ZFHX3: variants seen among roughly 807,000 people sequenced by gnomAD.
ZFHX3 encodes the protein zinc finger homeobox protein 3.
In ZFHX3, 42 loss-of-function variants were observed where a neutral mutation model predicts 279.1. That is an observed-to-expected ratio of 0.15 (90% CI 0.12 to 0.19). The LOEUF (loss-of-function observed/expected upper bound fraction) is 0.19. Ranked by LOEUF, ZFHX3 falls within the 10% of genes least tolerant of loss-of-function variation. The pLI, the probability that ZFHX3 is intolerant of heterozygous loss-of-function variation, is 1.00. For synonymous variants in ZFHX3, 2,293 were observed against 1,957.8 expected (o/e 1.17, Z -4.52); for missense variants, 4,981 against 4,754.0 (o/e 1.05, Z -1.40).
intron 1 of ZFHX3, among the ~76,000 whole-genome samples, chr16:73,701,543 T>A (rs1000441754): frequency 1.3e-5 from 2 of 152,218 alleles, no homozygotes; most frequent in South Asian, 2.1e-4. Flanking sequence ...TCTTCCAGAA[T>A]AATTTTTCTT....
At chr16:73,458,385 C>T (rs1458224648) in intron 2 of ZFHX3, among the ~76,000 whole-genome samples, 1 of 146,848 alleles carries the variant, frequency 6.8e-6, no homozygotes, top group African/African-American at 2.5e-5. Flanking sequence ...CCCTCCCTTC[C>T]TTCCCTCCCT....
intron 1 of ZFHX3, among the ~76,000 whole-genome samples, chr16:72,980,674 G>T (rs7191972): frequency 2.6e-5 from 4 of 151,816 alleles, no homozygotes; most frequent in Non-Finnish European, 5.9e-5. Flanking sequence ...GATTGCTTGA[G>T]ACCAGGGAGG....
chr16:73,036,955 G>T (rs1964929272), intron 1 of ZFHX3, among the ~76,000 whole-genome samples: 1 of 152,168 alleles, frequency 6.6e-6, no homozygotes. Flanking sequence ...CCAATTTATT[G>T]TGAGAGAAGT....
intron 3 of ZFHX3, among the ~76,000 whole-genome samples, chr16:72,911,221 C>A (rs9923980): frequency 0.11 from 16,520 of 152,182 alleles, 1,239 homozygotes; most frequent in African/African-American, 0.21. Context: ...TTAATTCTGC[C>A]ACAGGAGTTA....
intron 1 of ZFHX3, among the ~76,000 whole-genome samples, chr16:73,837,238 T>C (rs1213670039): frequency 1.3e-5 from 2 of 152,208 alleles, no homozygotes; most frequent in Admixed American, 6.5e-5. Context: ...ACTAAACTCA[T>C]GTTAATATCT....
Position 72,798,179 on chromosome 16 carries a change from A to G in ZFHX3, c.4503T>C (p.Asp1501=), listed in dbSNP as rs962124235. 6.2e-7 allele frequency: 1 copy of G among 1,614,136 alleles called. No homozygotes were observed. The highest frequency in any genetic ancestry group is 8.5e-7 in the Non-Finnish European group (1 of 1,180,036). The change falls in exon 9 of 10, where the codon GAT becomes GAC. Residue 1501 remains aspartate (D), a synonymous_variant. Coordinates refer to ENST00000268489, the MANE Select transcript of ZFHX3 (RefSeq NM_006885.4). ...EDKEEESDLE[D]KQSPTGSDSG... ...AGTCACTGCCCGTTGGGCTCTGTTTATCTTCCAAGTCACTCTCTTCCTCCT... is the reference window on the plus strand; with the variant it reads ...AGTCACTGCCCGTTGGGCTCTGTTTGTCTTCCAAGTCACTCTCTTCCTCCT...
At chr16:73,469,521 T>C (rs2018626650) in intron 2 of ZFHX3, among the ~76,000 whole-genome samples, 1 of 152,060 alleles carries the variant, frequency 6.6e-6, no homozygotes, top group African/African-American at 2.4e-5. Context: ...TAACCTGGTG[T>C]CACTGTCTTC....
intron 5 of ZFHX3, among the ~76,000 whole-genome samples, chr16:73,214,355 AT>A (rs2012122438): frequency 6.6e-6 from 1 of 152,062 alleles, no homozygotes; most frequent in Admixed American, 6.6e-5. Context: ...GGTGCCCTGT[AT>A]TTCCAGCCCT....
chr16:72,890,995 C>T (rs185414276), intron 3 of ZFHX3, among the ~76,000 whole-genome samples: 12 of 152,342 alleles, frequency 7.9e-5, no homozygotes, highest in Non-Finnish European at 1.6e-4. Flanking sequence ...CTGTATGGCA[C>T]CCTAGGTCAG....
chr16:73,881,262 G>T (rs1400653243), intron 1 of ZFHX3, among the ~76,000 whole-genome samples: 1 of 152,106 alleles, frequency 6.6e-6, no homozygotes, highest in East Asian at 1.9e-4. Context: ...GCTGCAGTGC[G>T]GAGCAGACAA....
At position 73,113,489 on chromosome 16, in the gene ZFHX3, C is replaced by T. The variant is rs536660184; in HGVS notation, c.-897+17479G>A. ...TCTATCCACACCCATGTCCACATGA[C>T]AGCCTGGAGAATGAGGCATCCTTCG... On this transcript the variant is annotated intron_variant, in intron 7 of 17. Transcript: ENST00000641206. Among the ~76,000 whole-genome samples the T allele has an allele frequency of 3.4e-4, 52 of 152,314 alleles. 1 individual carries two copies. In the South Asian group the frequency reaches 1.0e-2, roughly 29 times the overall value.
chr16:72,977,103 A>C (rs1962383992), intron 1 of ZFHX3, among the ~76,000 whole-genome samples: 1 of 152,194 alleles, frequency 6.6e-6, no homozygotes, highest in African/African-American at 2.4e-5. Context: ...TTTGATGTCG[A>C]GTTGACAAGA....
chr16:73,636,705 C>G (rs936289923), intron 2 of ZFHX3, among the ~76,000 whole-genome samples: 1 of 152,084 alleles, frequency 6.6e-6, no homozygotes, highest in Admixed American at 6.5e-5. Flanking sequence ...AAATGTGTTT[C>G]ACCTATATGA....
chr16:73,300,044 G>A (rs983943181), intron 4 of ZFHX3, among the ~76,000 whole-genome samples: 1 of 152,096 alleles, frequency 6.6e-6, no homozygotes, highest in African/African-American at 2.4e-5. Flanking sequence ...TGATTCCTTT[G>A]CTACTGTTCC....
rs775426631 is a variant in ZFHX3 at position 72,959,767 on chromosome 16, C to T, written c.379G>A (p.Glu127Lys). 6.2e-7 allele frequency: 1 copy of T among 1,607,742 alleles called. No individual in the cohort carries two copies. The highest frequency in any genetic ancestry group is 1.1e-5 in the South Asian group (1 of 90,508). Residue 127 changes from glutamate (E) to lysine (K), a missense_variant, in exon 2 of 10, where the codon GAG becomes AAG. Transcript: ENST00000268489. ...GEEGDEESDVENLAGEIVYQP... is the reference protein window; with the variant it reads ...GEEGDEESDVKNLAGEIVYQP... ...TAGACGATCTCCCCGGCCAGGTTCTCCACGTCACTCTCCTCGTCCCCCTCC... is the reference window on the plus strand; with the variant it reads ...TAGACGATCTCCCCGGCCAGGTTCTTCACGTCACTCTCCTCGTCCCCCTCC...
chr16:72,873,032 C>T (rs904344442), intron 4 of ZFHX3, among the ~76,000 whole-genome samples: 7 of 152,198 alleles, frequency 4.6e-5, no homozygotes, highest in Non-Finnish European at 2.9e-5. Flanking sequence ...CTCCTTAGAG[C>T]TTCCCCACCA....
chr16:72,868,025 T>C (rs925403680), intron 4 of ZFHX3, among the ~76,000 whole-genome samples: 4 of 152,174 alleles, frequency 2.6e-5, no homozygotes, highest in Non-Finnish European at 5.9e-5. Context: ...ACAAAAGTAA[T>C]GTAAGACATG....
intron 5 of ZFHX3, among the ~76,000 whole-genome samples, chr16:73,197,334 C>A (rs1375039506): frequency 6.7e-6 from 1 of 149,988 alleles, no homozygotes; most frequent in Non-Finnish European, 1.5e-5. Flanking sequence ...GGCATGAGAG[C>A]GTGACTAGGA....
At chr16:73,065,481 C>T (rs1230424803) in intron 8 of ZFHX3, among the ~76,000 whole-genome samples, 2 of 150,484 alleles carry the variant, frequency 1.3e-5, no homozygotes, top group Non-Finnish European at 3.0e-5. Flanking sequence ...TTGAGGAATA[C>T]CTAGCGCCAT....
Sources: gnomAD v4.1 joint callset for allele counts (sites outside exome capture counted in the v4.1 genomes callset) on GRCh38, gnomAD v4.1.1 for gene constraint, MANE v1.5 for transcripts, NCBI Gene and HGNC (gene_info 2026-07-23, HGNC 2026-07-21) for gene names.